The following COPB1 variants were observed in gnomAD, a reference collection of about 807,000 sequenced individuals.
The protein encoded by COPB1 is coatomer subunit beta.
COPB1 carries 21 observed loss-of-function variants against 108.7 expected under a neutral mutation model. That is an observed-to-expected ratio of 0.19 (90% CI 0.14 to 0.28). COPB1 has a LOEUF of 0.28. COPB1 is among the 10% of genes least tolerant of loss of function. COPB1 has a pLI of 1.00. For synonymous variants in COPB1, 378 were observed against 386.8 expected, an observed-to-expected ratio of 0.98 and a Z score of 0.27; for missense variants, 919 against 1,141.3, an observed-to-expected ratio of 0.81 and a Z score of 2.81.
In COPB1 at chr11:14,480,864, A is replaced by G. The variant is rs772805775; in HGVS notation, c.1107T>C (p.Asn369=). 5 of 1,614,032 alleles carry G rather than the reference A, an allele frequency of 3.1e-6. No individual in the cohort carries two copies. Among genetic ancestry groups the G allele is most frequent in the East Asian group, 2.2e-5 (1 of 44,852 alleles). The change falls in exon 10 of 22, where the codon AAT becomes AAC. Residue 369 remains asparagine, a synonymous_variant. Transcript: ENST00000439561. ...TGTCAGTATCTTCATGCTCAGACAC[A>G]TTATTTGTTTTTATCACTTCCTTCT... is the stretch of plus-strand genomic sequence containing the variant. ...VLKKEVIKTN[N]VSEHEDTDKY...
chr11:14,493,864 A>G, intron 3 of COPB1, 53 bp from the exon 4 acceptor site: 2 of 1,407,678 alleles, frequency 1.4e-6, no homozygotes, highest in Non-Finnish European at 9.5e-7. Context: ...TTACAAAAAG[A>G]AAATTTTAAT....
chr11:14,488,964 T>C (rs932775883), intron 5 of COPB1, among the ~76,000 whole-genome samples: 3 of 152,290 alleles, frequency 2.0e-5, no homozygotes, highest in African/African-American at 4.8e-5. Flanking sequence ...GACACTGTAA[T>C]ATACAGAACT....
intron 11 of COPB1, among the ~76,000 whole-genome samples, chr11:14,479,264 T>C (rs1850604648): frequency 6.6e-6 from 1 of 152,176 alleles, no homozygotes; most frequent in African/African-American, 2.4e-5. Flanking sequence ...AAGGAAGATA[T>C]AAATAATAGT....
At chr11:14,491,070 G>A (rs550981533) in intron 4 of COPB1, among the ~76,000 whole-genome samples, 6 of 151,956 alleles carry the variant, frequency 3.9e-5, no homozygotes, top group African/African-American at 1.4e-4. Flanking sequence ...TTACAGGTGT[G>A]AGCCACCGTG....
chr11:14,460,329 A>C, intron 19 of COPB1, 32 bp from the exon 20 acceptor site: 84 of 1,359,262 alleles, frequency 6.2e-5, no homozygotes, highest in Non-Finnish European at 8.3e-5. Context: ...CAAGGAGATC[A>C]TAAATCTTAC....
intron 1 of COPB1, 173 bp downstream of exon 1, chr11:14,499,534 G>A (rs1429427494): frequency 4.0e-5 from 6 of 151,836 alleles, no homozygotes; most frequent in African/African-American, 1.2e-4. Flanking sequence ...TACAAAGGAC[G>A]GGATGGAGCG....
At chr11:14,489,967 G>T (rs1045338938) in intron 5 of COPB1, among the ~76,000 whole-genome samples, 2 of 152,158 alleles carry the variant, frequency 1.3e-5, no homozygotes, top group African/African-American at 4.8e-5. Flanking sequence ...AGATTTCAGA[G>T]GACTGGAAGG....
At position 14,476,964 on chromosome 11, in the gene COPB1, T is replaced by G. The variant is rs749846298; in HGVS notation, c.1410A>C (p.Glu470Asp). The change falls in exon 12 of 22, where the codon GAA becomes GAC. Residue 470 changes from glutamate to aspartate, a missense_variant. Physicochemically the swap from Glu to Asp is conservative, Grantham distance 45. Coordinates refer to ENST00000439561, the MANE Select transcript of COPB1 (RefSeq NM_001144061.2). ...WILGEYCSTK[E>D]DIQSVMTEIR... ...TCTCAGTCATCACACTCTGAATGTC[T>G]TCCTTGGTACTACAGTATTCTCCCA... 1.2e-5 allele frequency: 19 copies of G among 1,612,970 alleles called. No homozygotes were observed. In the East Asian group the frequency reaches 4.2e-4, roughly 36 times the overall value.
intron 21 of COPB1, among the ~76,000 whole-genome samples, chr11:14,458,167 C>T: frequency 6.6e-6 from 1 of 150,486 alleles, no homozygotes; most frequent in African/African-American, 2.4e-5. Flanking sequence ...GCAACCTCCA[C>T]CTCCCGGGTT....
intron 2 of COPB1, among the ~76,000 whole-genome samples, chr11:14,494,897 A>G (rs1028559712): frequency 2.6e-5 from 4 of 152,238 alleles, no homozygotes; most frequent in Non-Finnish European, 4.4e-5. Context: ...CTTTTTTAAC[A>G]TTAGAAAGAG....
At chr11:14,467,316 T>C (rs2134098732) in intron 16 of COPB1, among the ~76,000 whole-genome samples, 2 of 151,588 alleles carry the variant, frequency 1.3e-5, no homozygotes. Context: ...ATTAGGAAAA[T>C]GCAAATCAAA....
intron 17 of COPB1, 30 bp from the exon 18 acceptor site, chr11:14,465,060 AATAC>A (rs773025915): frequency 1.5e-6 from 2 of 1,357,482 alleles, no homozygotes; most frequent in Non-Finnish European, 2.0e-6. Flanking sequence ...TATGGTTAAA[AATAC>A]ACACACACAC....
chr11:14,483,245 C>T (rs1215531762), intron 7 of COPB1, 94 bp from the exon 8 acceptor site: 8 of 669,836 alleles, frequency 1.2e-5, no homozygotes, highest in East Asian at 2.8e-5. Flanking sequence ...CACACACACA[C>T]ACACACACAC....
At chr11:14,492,975 A>G (rs1014346317) in intron 4 of COPB1, among the ~76,000 whole-genome samples, 5 of 152,116 alleles carry the variant, frequency 3.3e-5, no homozygotes, top group Admixed American at 1.3e-4. Context: ...GTGAAACCCC[A>G]TATCTACTAA....
At chr11:14,488,440 C>A in intron 6 of COPB1, 52 bp downstream of exon 6, 3 of 1,089,988 alleles carry the variant, frequency 2.8e-6, no homozygotes, top group Non-Finnish European at 2.7e-6. Context: ...AGTATTTAAC[C>A]CTGTCTTAAA....
intron 2 of COPB1, among the ~76,000 whole-genome samples, chr11:14,495,831 A>C (rs1851006625): frequency 6.6e-6 from 1 of 152,230 alleles, no homozygotes; most frequent in Admixed American, 6.5e-5. Context: ...TATCCTGAGG[A>C]TCTAACAATG....
intron 13 of COPB1, among the ~76,000 whole-genome samples, chr11:14,475,119 A>AAAG (rs1565016788): frequency 3.0e-5 from 4 of 133,434 alleles, no homozygotes; most frequent in Non-Finnish European, 3.1e-5. Flanking sequence ...AAAAAAAAAA[A>AAAG]GAAAACTTAT....
chr11:14,479,360 C>A (rs140301395), intron 11 of COPB1, among the ~76,000 whole-genome samples: 1 of 152,114 alleles, frequency 6.6e-6, no homozygotes, highest in Admixed American at 6.6e-5. Context: ...AGAATAGAGA[C>A]CCTGAGCTAA....
At chr11:14,486,569 T>C in intron 6 of COPB1, 65 bp from the exon 7 acceptor site, 1 of 1,582,778 alleles carries the variant, frequency 6.3e-7, no homozygotes, top group Non-Finnish European at 8.6e-7. Flanking sequence ...TGGAGTTTTT[T>C]CATGAATGTC....
Sources: gnomAD v4.1 joint callset for allele counts (sites outside exome capture counted in the v4.1 genomes callset) on GRCh38, gnomAD v4.1.1 for gene constraint, MANE v1.5 for transcripts, NCBI Gene and HGNC (gene_info 2026-07-23, HGNC 2026-07-21) for gene names.